ADGRE1: variants seen among roughly 807,000 people sequenced by gnomAD.
ADGRE1 encodes EGF-like module receptor 1.
Under a neutral mutation model 102.7 loss-of-function variants are expected in ADGRE1, and 82 were observed. The ratio of observed to expected loss-of-function variants is 0.80; its 90% CI spans 0.67 to 0.96. The LOEUF is 0.96. Ranked by LOEUF, ADGRE1 falls within the 40% of genes least tolerant of loss-of-function variation. The pLI is 0.00. For missense variants in ADGRE1, 1,032 were observed against 1,085.3 expected, an observed-to-expected ratio of 0.95 and a Z score of 0.69; for synonymous variants, 398 against 399.6, an observed-to-expected ratio of 1.00 and a Z score of 0.05.
chr19:6,937,552 A>G lies in ADGRE1; in HGVS notation c.2559A>G (p.Glu853=). 1 of 1,613,978 alleles carries G rather than the reference A, an allele frequency of 6.2e-7. No individual in the cohort carries two copies. The highest frequency in any genetic ancestry group is 8.5e-7 in the Non-Finnish European group (1 of 1,179,990). ...TGTGTCTCCTTCTCCAGGTACGAGA[A>G]GAATACAAGAGGTGGATCACTGGGA... ...IHCLLNGQVR[E]EYKRWITGKT... is the part of the protein sequence containing the mutation. Residue 853 remains glutamate (E), a synonymous_variant, in exon 20 of 21, where the codon GAA becomes GAG. Coordinates refer to ENST00000312053, the MANE Select transcript of ADGRE1 (RefSeq NM_001974.5).
chr19:6,888,077 C>T (rs1729913282), intron 1 of ADGRE1, among the ~76,000 whole-genome samples: 1 of 152,106 alleles, frequency 6.6e-6, no homozygotes, highest in South Asian at 2.1e-4. Flanking sequence ...CATTATTAGT[C>T]CTATTTTGCA....
At chr19:6,913,488 T>C (rs1974273636) in intron 10 of ADGRE1, among the ~76,000 whole-genome samples, 165 bp from the exon 11 acceptor site, 2 of 152,206 alleles carry the variant, frequency 1.3e-5, no homozygotes, top group African/African-American at 2.4e-5. Context: ...CCTGAATTTG[T>C]ATTTCTGATG....
intron 9 of ADGRE1, among the ~76,000 whole-genome samples, chr19:6,907,256 C>A (rs931074093): frequency 2.0e-5 from 3 of 152,034 alleles, no homozygotes; most frequent in Non-Finnish European, 2.9e-5. Flanking sequence ...AAATTCACCA[C>A]TTTAACTATT....
intron 12 of ADGRE1, 129 bp from the exon 13 acceptor site, chr19:6,919,418 CT>C: frequency 5.1e-6 from 3 of 589,280 alleles, no homozygotes; most frequent in Non-Finnish European, 8.7e-6. Flanking sequence ...CTCTCTCTCT[CT>C]CTCTCTCTCC....
At chr19:6,901,498 A>G (rs539632382) in intron 5 of ADGRE1, among the ~76,000 whole-genome samples, 11 of 152,334 alleles carry the variant, frequency 7.2e-5, no homozygotes, top group Admixed American at 3.3e-4. Flanking sequence ...TAAGGGGTAG[A>G]GAAACAGACT....
chr19:6,887,602 C>T lies in ADGRE1; in HGVS notation c.-7C>T, dbSNP rs1232683630. Reference sequence around the variant, plus strand: ...TTCTTTTCTTTGAATGACAGAACTACAGCATAATGCGTGGCTTCAACCTGC... The same window carrying T: ...TTCTTTTCTTTGAATGACAGAACTATAGCATAATGCGTGGCTTCAACCTGC... On this transcript the variant is annotated 5_prime_UTR_variant, in exon 1 of 21. An upstream open reading frame in the 5' UTR gains an earlier in-frame stop. Coordinates refer to ENST00000312053, the MANE Select transcript of ADGRE1 (RefSeq NM_001974.5). 1.9e-5 allele frequency: 31 copies of T among 1,612,746 alleles called. No homozygotes were observed. The highest frequency in any genetic ancestry group is 2.3e-5 in the Non-Finnish European group (27 of 1,179,460).
rs988251881 is a variant in ADGRE1, at chr19:6,896,426, C to G, written c.123C>G (p.Cys41Trp). Reference protein sequence around the residue: ...KGNNCRDSTLCPAYATCTNTV... With the variant: ...KGNNCRDSTLWPAYATCTNTV... The stretch of plus-strand genomic sequence containing the variant: ...ATAACTGTAGAGACAGTACCTTGTG[C>G]CCAGCTTATGCCACCTGCACCAATA... Residue 41 changes from cysteine (C) to tryptophan (W), a missense_variant, in exon 3 of 21, where the codon TGC becomes TGG. Physicochemically the swap from Cys to Trp is radical, Grantham distance 215. Coordinates refer to ENST00000312053, the MANE Select transcript of ADGRE1 (RefSeq NM_001974.5). The G allele has an allele frequency of 3.7e-6, 6 of 1,614,070 alleles. No individual in the cohort carries two copies. Among genetic ancestry groups the G allele is most frequent in the African/African-American group, 1.3e-5 (1 of 75,014 alleles).
intron 3 of ADGRE1, chr19:6,896,771 T>C (rs1422047393): frequency 3.6e-5 from 17 of 476,436 alleles, no homozygotes; most frequent in Non-Finnish European, 5.4e-5. Flanking sequence ...AACATGATTT[T>C]CTTCCTTCCT....
At position 6,919,567 on chromosome 19, in the gene ADGRE1, T is replaced by A; in HGVS notation, c.1440T>A (p.Phe480Leu). 6.2e-7 allele frequency: 1 copy of A among 1,613,208 alleles called. No individual in the cohort carries two copies. Among genetic ancestry groups the A allele is most frequent in the Non-Finnish European group, 8.5e-7 (1 of 1,179,814 alleles). ...CTGCAGAGACCACTGGTGTGGCTTT[T>A]GTCTCCTTTGTGGGCATGGAATCGG... Reference protein sequence around the residue: ...SESTETTGVAFVSFVGMESVL... With the variant: ...SESTETTGVALVSFVGMESVL... Residue 480 changes from phenylalanine (F) to leucine (L), a missense_variant, in exon 13 of 21, where the codon TTT (phenylalanine) becomes TTA (leucine). Coordinates refer to ENST00000312053, the MANE Select transcript of ADGRE1 (RefSeq NM_001974.5).
rs111317453 is a variant in ADGRE1 at position 6,913,808 on chromosome 19, G to A, written c.1278G>A (p.Pro426=). The A allele has an allele frequency of 5.1e-5, 81 of 1,603,622 alleles. No homozygotes were observed. The highest frequency in any genetic ancestry group is 2.0e-4 in the African/African-American group (15 of 74,824). ...SFWKPSANIT[P]AVRTEYLDIE... is the part of the protein sequence containing the mutation. ...GGAAACCCTCAGCAAATATCACTCC[G>A]GCTGTTCGGACGGAATACTTAGGTA... Residue 426 remains proline (P), a synonymous_variant, in exon 11 of 21, where the codon CCG becomes CCA. Coordinates refer to ENST00000312053, the MANE Select transcript of ADGRE1 (RefSeq NM_001974.5).
intron 17 of ADGRE1, among the ~76,000 whole-genome samples, chr19:6,933,713 A>G (rs1975262665): frequency 6.6e-6 from 1 of 152,128 alleles, no homozygotes; most frequent in Admixed American, 6.6e-5. Context: ...TGTTACAACT[A>G]GAGAGGTGGG....
chr19:6,919,504 G>A, intron 12 of ADGRE1, 44 bp from the exon 13 acceptor site: 1 of 1,528,796 alleles, frequency 6.5e-7, no homozygotes, highest in Non-Finnish European at 8.9e-7. Context: ...AATAACAATT[G>A]AGCAAACGAT....
chr19:6,889,247 GTGA>G lies in ADGRE1; in HGVS notation c.32-1226_32-1224del, dbSNP rs201832604. Among the ~76,000 whole-genome samples the G allele has an allele frequency of 6.7e-3, 1,011 of 151,342 alleles. 13 individuals are homozygous for G. Among genetic ancestry groups the G allele is most frequent in the African/African-American group, 0.023 (953 of 41,158 alleles). On this transcript the variant is annotated intron_variant, in intron 1 of 20. Transcript: ENST00000312053. ...GGTGGTGATGGTGATAATGGTGATG[GTGA>G]TGATGATAATGGTGATGATGGTGAT...
chr19:6,922,968 T>C (rs1283311630), intron 14 of ADGRE1, among the ~76,000 whole-genome samples: 2 of 151,996 alleles, frequency 1.3e-5, no homozygotes, highest in African/African-American at 4.8e-5. Flanking sequence ...TCCAAGCTAC[T>C]CGGGAGGCTG....
Position 6,928,218 on chromosome 19 carries a change from A to G in ADGRE1, c.2289+7A>G, listed in dbSNP as rs780148308. The G allele has an allele frequency of 1.6e-5, 26 of 1,614,068 alleles. 1 individual carries two copies. In the South Asian group the frequency reaches 2.9e-4, roughly 18 times the overall value. On this transcript the variant is annotated splice_region_variant and intron_variant, in intron 17 of 20. Coordinates refer to ENST00000312053, the MANE Select transcript of ADGRE1 (RefSeq NM_001974.5). ...AGTTTGCACAGTTATAGTGGTAAGC[A>G]AATACTACAACAGCCTGGCGAAGTG...
intron 13 of ADGRE1, among the ~76,000 whole-genome samples, chr19:6,920,822 T>C (rs1489681724): frequency 6.6e-6 from 1 of 151,962 alleles, no homozygotes; most frequent in African/African-American, 2.4e-5. Context: ...CTAGGATACA[T>C]TCTTAAAGCA....
chr19:6,896,710 T>C (rs2144892261), intron 3 of ADGRE1, 169 bp downstream of exon 3: 3 of 717,316 alleles, frequency 4.2e-6, no homozygotes, highest in African/African-American at 1.8e-5. Flanking sequence ...TTAATATTGA[T>C]ATGTGGGGGT....
intron 5 of ADGRE1, chr19:6,897,981 C>T (rs757267137): frequency 2.1e-4 from 38 of 184,676 alleles, no homozygotes; most frequent in Middle Eastern, 4.3e-3. Context: ...CACCCTTCCT[C>T]TCTCTGATCA....
chr19:6,899,954 C>G (rs1490747243), intron 5 of ADGRE1, among the ~76,000 whole-genome samples: 3 of 151,492 alleles, frequency 2.0e-5, no homozygotes, highest in Non-Finnish European at 4.4e-5. Flanking sequence ...AATAGCTGGG[C>G]CTGGTGGCAC....
Sources: gnomAD v4.1 joint callset for allele counts (sites outside exome capture counted in the v4.1 genomes callset) on GRCh38, gnomAD v4.1.1 for gene constraint, MANE v1.5 for transcripts, NCBI Gene and HGNC (gene_info 2026-07-23, HGNC 2026-07-21) for gene names.